The following KAT2B variants were observed in gnomAD, a reference collection of about 807,000 sequenced individuals.
KAT2B encodes lysine acetyltransferase 2B.
Under a neutral mutation model 105.9 loss-of-function variants are expected in KAT2B, and 36 were observed. The ratio of observed to expected loss-of-function variants is 0.34; its 90% confidence interval spans 0.26 to 0.45. The LOEUF is 0.45. Ranked by LOEUF, KAT2B falls within the 20% of genes least tolerant of loss-of-function variation. KAT2B has a pLI of 1.00. For synonymous variants in KAT2B, 397 were observed against 377.9 expected, an observed-to-expected ratio of 1.05 and a Z score of -0.59; for missense variants, 820 against 1,021.6, an observed-to-expected ratio of 0.80 and a Z score of 2.69.
intron 7 of KAT2B, among the ~76,000 whole-genome samples, chr3:20,118,784 A>T (rs1699256012): frequency 6.8e-6 from 1 of 147,102 alleles, no homozygotes; most frequent in Non-Finnish European, 1.5e-5. Context: ...ATATATATTT[A>T]TACGTTATAT....
intron 2 of KAT2B, among the ~76,000 whole-genome samples, chr3:20,085,995 G>T (rs147798143): frequency 1.6e-4 from 25 of 152,186 alleles, no homozygotes; most frequent in African/African-American, 4.8e-4. Flanking sequence ...TTTGAGCTGG[G>T]CATGGTGGCT....
intron 2 of KAT2B, among the ~76,000 whole-genome samples, chr3:20,095,040 G>A (rs1023984083): frequency 4.6e-5 from 7 of 152,142 alleles, no homozygotes; most frequent in South Asian, 2.1e-4. Context: ...CATTTTTAAC[G>A]TTGGGTGGGG....
intron 5 of KAT2B, among the ~76,000 whole-genome samples, chr3:20,106,438 T>TAC (rs10554524): frequency 0.13 from 18,709 of 145,622 alleles, 1,223 homozygotes; most frequent in Admixed American, 0.17. Flanking sequence ...ACACCAGAAG[T>TAC]ACACACACAC....
At chr3:20,109,237 T>C (rs1699076600) in intron 5 of KAT2B, among the ~76,000 whole-genome samples, 1 of 152,180 alleles carries the variant, frequency 6.6e-6, no homozygotes, top group Non-Finnish European at 1.5e-5. Context: ...ACTGTTTAAC[T>C]CTATGGTTTC....
intron 13 of KAT2B, among the ~76,000 whole-genome samples, chr3:20,145,195 G>A (rs1699764049): frequency 6.6e-6 from 1 of 152,134 alleles, no homozygotes; most frequent in East Asian, 1.9e-4. Flanking sequence ...GATATAATGG[G>A]TTAAATGAAA....
At chr3:20,118,745 AAAGAGAG>A (rs1289770652) in intron 7 of KAT2B, among the ~76,000 whole-genome samples, 24 of 126,070 alleles carry the variant, frequency 1.9e-4, no homozygotes, top group African/African-American at 7.2e-4. Flanking sequence ...AAAAAAAAAA[AAAGAGAG>A]AGAGCGAACT....
At position 20,093,579 on chromosome 3, in the gene KAT2B, C is replaced by T. The variant is rs140635621; in HGVS notation, c.431-1684C>T. On this transcript the variant is annotated intron_variant, in intron 2 of 17. Coordinates refer to ENST00000263754, the MANE Select transcript of KAT2B (RefSeq NM_003884.5). ...CTGAGCATTGTGGTTCAATGGTGAG[C>T]GCATCATGGTCTCCAGAGTAGACTG... Among the ~76,000 whole-genome samples, 411 of 152,210 alleles carry T rather than the reference C, an allele frequency of 2.7e-3. 9 individuals are homozygous for T. The highest frequency in any genetic ancestry group is 8.4e-4 in the Non-Finnish European group (57 of 68,012).
intron 1 of KAT2B, among the ~76,000 whole-genome samples, chr3:20,057,448 T>C (rs1156882161): frequency 6.6e-6 from 1 of 152,200 alleles, no homozygotes; most frequent in Non-Finnish European, 1.5e-5. Context: ...TTGCTCATCC[T>C]GGTTGATTTG....
At chr3:20,092,206 T>A (rs938975688) in intron 2 of KAT2B, among the ~76,000 whole-genome samples, 1 of 151,790 alleles carries the variant, frequency 6.6e-6, no homozygotes, top group Non-Finnish European at 1.5e-5. Flanking sequence ...TCATTCAATC[T>A]CTACTTTCAC....
intron 2 of KAT2B, among the ~76,000 whole-genome samples, chr3:20,089,864 T>C (rs763471342): frequency 5.9e-5 from 9 of 152,110 alleles, no homozygotes; most frequent in Non-Finnish European, 1.3e-4. Context: ...TACAGAAACA[T>C]GGCTGGGCAT....
intron 1 of KAT2B, among the ~76,000 whole-genome samples, chr3:20,062,181 A>T (rs1039567417): frequency 0.03 from 1,870 of 61,488 alleles, 101 homozygotes; most frequent in Non-Finnish European, 0.045. Flanking sequence ...TATAATATAT[A>T]ATATATAAAA....
At chr3:20,148,538 T>C in intron 17 of KAT2B, 51 bp downstream of exon 17, 2 of 1,296,914 alleles carry the variant, frequency 1.5e-6, no homozygotes, top group Non-Finnish European at 2.2e-6. Flanking sequence ...TGGATGGCGG[T>C]GTGGGGGACA....
Position 20,040,468 on chromosome 3 carries a change from C to G in KAT2B, c.-10C>G. On this transcript the variant is annotated 5_prime_UTR_variant, in exon 1 of 18. Transcript: ENST00000263754. ...GACACTCGGCGCCTCCTGCCGTGCT[C>G]CGGGGCGGCATGTCCGAGGCTGGCG... 2 of 1,071,010 alleles carry G rather than the reference C, an allele frequency of 1.9e-6. No homozygotes were observed. Among genetic ancestry groups the G allele is most frequent in the South Asian group, 8.7e-5 (2 of 22,860 alleles). 66.3% of individuals were successfully genotyped at this position (1,071,010 alleles called of 1,614,324 possible).
intron 13 of KAT2B, among the ~76,000 whole-genome samples, chr3:20,143,809 G>T (rs559310285): frequency 6.6e-6 from 1 of 152,272 alleles, no homozygotes; most frequent in East Asian, 1.9e-4. Flanking sequence ...CATGTTTTCT[G>T]TTATAAGTGG....
intron 1 of KAT2B, among the ~76,000 whole-genome samples, chr3:20,051,369 C>G (rs1013160792): frequency 1.3e-5 from 2 of 152,156 alleles, no homozygotes; most frequent in African/African-American, 4.8e-5. Flanking sequence ...AGCTCCTTCT[C>G]CCCTGGAGTC....
chr3:20,129,003 A>AT (rs1271997746), intron 11 of KAT2B, among the ~76,000 whole-genome samples: 15 of 117,306 alleles, frequency 1.3e-4, no homozygotes, highest in African/African-American at 4.5e-4. Flanking sequence ...GCGAAACTCC[A>AT]TCTCAAAAAA....
At chr3:20,059,274 G>A (rs1010149335) in intron 1 of KAT2B, among the ~76,000 whole-genome samples, 1 of 151,812 alleles carries the variant, frequency 6.6e-6, no homozygotes, top group Non-Finnish European at 1.5e-5. Flanking sequence ...TTAGCCAGGC[G>A]TGGTGGCATG....
At chr3:20,097,311 A>G (rs1296349542) in intron 3 of KAT2B, among the ~76,000 whole-genome samples, 1 of 152,178 alleles carries the variant, frequency 6.6e-6, no homozygotes, top group Admixed American at 6.5e-5. Flanking sequence ...GCCAGAAAGC[A>G]TTGCTCTGCT....
intron 1 of KAT2B, 63 bp downstream of exon 1, chr3:20,040,843 TC>T (rs1295301198): frequency 1.4e-6 from 2 of 1,413,274 alleles, no homozygotes; most frequent in Non-Finnish European, 9.3e-7. Flanking sequence ...GGGACCCCCC[TC>T]CCCCTCCCGC....
Sources: gnomAD v4.1 joint callset for allele counts (sites outside exome capture counted in the v4.1 genomes callset) on GRCh38, gnomAD v4.1.1 for gene constraint, MANE v1.5 for transcripts, NCBI Gene and HGNC (gene_info 2026-07-23, HGNC 2026-07-21) for gene names.